The following PRKD3 variants were observed in gnomAD, a reference collection of about 807,000 sequenced individuals.
The protein encoded by PRKD3 is protein kinase D3, also known as serine/threonine-protein kinase D3.
Under a neutral mutation model 99.2 loss-of-function variants are expected in PRKD3, and 47 were observed. That is an observed-to-expected ratio of 0.47 (90% CI 0.38 to 0.60). The LOEUF (loss-of-function observed/expected upper bound fraction) is 0.60, where lower values mean the gene tolerates loss of function less well. Ranked by LOEUF, PRKD3 falls within the 20% of genes least tolerant of loss-of-function variation. The probability of loss-of-function intolerance (pLI) is 0.00; values close to 1 mark genes in which losing one functional copy is unlikely to be tolerated. For synonymous variants in PRKD3, 392 were observed against 355.4 expected (o/e 1.10, Z -1.16); for missense variants, 1,019 against 1,088.4 (o/e 0.94, Z 0.90).
Position 37,286,182 on chromosome 2 carries a change from C to G in PRKD3, c.905G>C (p.Cys302Ser). The G allele has an allele frequency of 6.2e-7, 1 of 1,609,024 alleles. No individual in the cohort carries two copies. The highest frequency in any genetic ancestry group is 8.5e-7 in the Non-Finnish European group (1 of 1,176,474). ...GGGAAAACACCTAATCCTACCTTTA[C>G]ACTGCATTCCTTGGCGAAAGAGGCC... Reference protein sequence around the residue: ...LKGLFRQGMQCKDCKFNCHKR... With the variant: ...LKGLFRQGMQSKDCKFNCHKR... The change falls in exon 6 of 19, where the codon TGT (cysteine) becomes TCT (serine). Residue 302 changes from cysteine to serine, a missense_variant. Transcript: ENST00000234179.
At chr2:37,268,253 G>A (rs1390752542) in intron 13 of PRKD3, 2 of 462,812 alleles carry the variant, frequency 4.3e-6, no homozygotes, top group African/African-American at 4.0e-5. Flanking sequence ...AAGTCTACTT[G>A]AAAAGACTGA....
intron 2 of PRKD3, among the ~76,000 whole-genome samples, chr2:37,310,238 T>A (rs192458250): frequency 6.6e-6 from 1 of 152,232 alleles, no homozygotes; most frequent in African/African-American, 2.4e-5. Context: ...CGAAGTGTAA[T>A]AGCTCAAGTT....
At chr2:37,309,769 A>ACCAGTGAGTCGGAACTT (rs528077373) in intron 2 of PRKD3, among the ~76,000 whole-genome samples, 25 of 150,158 alleles carry the variant, frequency 1.7e-4, no homozygotes, top group African/African-American at 5.9e-4. Flanking sequence ...AATCCCTTGA[A>ACCAGTGAGTCGGAACTT]CCAGTGAGTC....
In PRKD3 at chr2:37,316,702, T is replaced by C. The variant is rs1671679534; in HGVS notation, c.-178A>G. 1 of 1,428,536 alleles carries C rather than the reference T, an allele frequency of 7.0e-7. No homozygotes were observed. The highest frequency in any genetic ancestry group is 9.1e-7 in the Non-Finnish European group (1 of 1,098,326). The allele number at this position is 1,428,536 out of a possible 1,614,324, so 88.5% of individuals were successfully genotyped here. ...TTTTAAGTTTTATCAAGGAGTTGAATGCCCCAAAGGTCCTATTTCTCTTAA... is the reference window on the plus strand; with the variant it reads ...TTTTAAGTTTTATCAAGGAGTTGAACGCCCCAAAGGTCCTATTTCTCTTAA... On this transcript the variant is annotated 5_prime_UTR_variant, in exon 2 of 19. Coordinates refer to ENST00000234179, the MANE Select transcript of PRKD3 (RefSeq NM_005813.6).
intron 9 of PRKD3, among the ~76,000 whole-genome samples, chr2:37,277,621 G>C (rs1669640824): frequency 6.6e-6 from 1 of 151,950 alleles, no homozygotes; most frequent in Admixed American, 6.6e-5. Context: ...TTTTATTGTG[G>C]AACAATCCCA....
chr2:37,284,546 C>G (rs1486486030), intron 6 of PRKD3, among the ~76,000 whole-genome samples: 2 of 152,176 alleles, frequency 1.3e-5, no homozygotes, highest in Non-Finnish European at 2.9e-5. Context: ...ATGTGTACAT[C>G]TGTTACTAAT....
intron 2 of PRKD3, among the ~76,000 whole-genome samples, chr2:37,300,380 A>G (rs1013099230): frequency 6.6e-6 from 1 of 152,184 alleles, no homozygotes; most frequent in Non-Finnish European, 1.5e-5. Flanking sequence ...TCTGAAGGGT[A>G]GTGGGTGGGG....
At chr2:37,316,062 T>C (rs1461686885) in intron 2 of PRKD3, among the ~76,000 whole-genome samples, 175 bp downstream of exon 2, 5 of 152,240 alleles carry the variant, frequency 3.3e-5, no homozygotes. Context: ...TATGTTCCAA[T>C]TAGCTAGACT....
At chr2:37,257,694 A>G (rs1218992959) in intron 16 of PRKD3, among the ~76,000 whole-genome samples, 2 of 149,374 alleles carry the variant, frequency 1.3e-5, no homozygotes, top group African/African-American at 2.5e-5. Flanking sequence ...AAAAAAAAAA[A>G]GTTACAGTAT....
rs56389006 is a variant in PRKD3 at position 37,256,628 on chromosome 2, A to ATTT, written c.2413+31_2413+33dup. Reference sequence around the variant, plus strand: ...TTTAGGCTTAAAACACATAGCCAAAATTTTTTTTTTTTTTTTTTTTTTTTT... The same window carrying ATTT: ...TTTAGGCTTAAAACACATAGCCAAAATTTTTTTTTTTTTTTTTTTTTTTTTTTT... On this transcript the variant is annotated intron_variant, in intron 17 of 18. Transcript: ENST00000234179. 2.1e-4 allele frequency: 255 copies of ATTT among 1,202,018 alleles called. 3 individuals carry two copies. The highest frequency in any genetic ancestry group is 1.2e-3 in the East Asian group (37 of 31,870). The allele number at this position is 1,202,018 out of a possible 1,614,324, so 74.5% of individuals were successfully genotyped here.
At chr2:37,276,843 T>A (rs1461053568) in intron 9 of PRKD3, among the ~76,000 whole-genome samples, 4 of 150,598 alleles carry the variant, frequency 2.7e-5, no homozygotes, top group Non-Finnish European at 4.4e-5. Context: ...TATATATACA[T>A]ATATATAACT....
chr2:37,302,725 AT>A (rs34960625), intron 2 of PRKD3, among the ~76,000 whole-genome samples: 17 of 148,164 alleles, frequency 1.1e-4, no homozygotes, highest in East Asian at 2.0e-4. Flanking sequence ...TGAACTTTTA[AT>A]TTTTTTTTTT....
At chr2:37,308,823 C>CT (rs1671288265) in intron 2 of PRKD3, among the ~76,000 whole-genome samples, 1 of 142,686 alleles carries the variant, frequency 7.0e-6, no homozygotes, top group Non-Finnish European at 1.5e-5. Context: ...TTTTTAAGCT[C>CT]TGTTTTTTTT....
rs772333073 is a variant in PRKD3, at chr2:37,317,168, C to T, written c.-644G>A. On this transcript the variant is annotated 5_prime_UTR_variant, in exon 2 of 19. An upstream start codon of the reference 5' UTR is lost. Coordinates refer to ENST00000234179, the MANE Select transcript of PRKD3 (RefSeq NM_005813.6). ...ATCGAGAAAAGCTGATGCTTTCTGA[C>T]ATATAGTTAGCCTGGAAGGAAATTT... The T allele has an allele frequency of 1.5e-5, 15 of 983,052 alleles. No homozygotes were observed. The highest frequency in any genetic ancestry group is 1.8e-5 in the Non-Finnish European group (15 of 827,926). The allele number at this position is 983,052 out of a possible 1,614,324, so 60.9% of individuals were successfully genotyped here.
chr2:37,313,606 T>G (rs994530045), intron 2 of PRKD3, among the ~76,000 whole-genome samples: 4 of 152,134 alleles, frequency 2.6e-5, no homozygotes, highest in African/African-American at 9.7e-5. Context: ...CTACTTTACA[T>G]AGGAAAACAG....
At chr2:37,284,941 C>A (rs1028787272) in intron 6 of PRKD3, among the ~76,000 whole-genome samples, 11 of 152,144 alleles carry the variant, frequency 7.2e-5, no homozygotes, top group Admixed American at 5.9e-4. Context: ...ATCCCTCCCC[C>A]CTCAGAAAAG....
At position 37,252,000 on chromosome 2, in the gene PRKD3, G is replaced by C. The variant is rs1215220422; in HGVS notation, c.*1177C>G. The C allele has an allele frequency of 2.0e-5, 3 of 152,104 alleles. No homozygotes were observed. Among genetic ancestry groups the C allele is most frequent in the Non-Finnish European group, 4.4e-5 (3 of 68,018 alleles). The allele number at this position is 152,104 out of a possible 1,614,324, so 9.4% of individuals were successfully genotyped here. ...GATATTTAAAAATATTTTTTAAATA[G>C]CTGGCTGCTGGAGCTGAAATGTAAA... On this transcript the variant is annotated 3_prime_UTR_variant, in exon 19 of 19. Transcript: ENST00000234179.
intron 11 of PRKD3, among the ~76,000 whole-genome samples, chr2:37,272,945 ACT>A (rs1464831020): frequency 2.3e-5 from 3 of 132,846 alleles, no homozygotes; most frequent in African/African-American, 8.9e-5. Context: ...TGCGCACTGC[ACT>A]CTCACCTGGG....
intron 3 of PRKD3, chr2:37,292,863 T>A (rs1441587443): frequency 8.3e-6 from 2 of 242,292 alleles, no homozygotes; most frequent in African/African-American, 4.5e-5. Flanking sequence ...CTCAGGCTGG[T>A]CTCAAACTCC....
Sources: gnomAD v4.1 joint callset for allele counts (sites outside exome capture counted in the v4.1 genomes callset) on GRCh38, gnomAD v4.1.1 for gene constraint, MANE v1.5 for transcripts, NCBI Gene and HGNC (gene_info 2026-07-23, HGNC 2026-07-21) for gene names.